The following RANBP3 variants were observed in gnomAD, a reference collection of about 807,000 sequenced individuals.
RANBP3 encodes the protein RAN binding protein 3.
RANBP3 carries 14 observed loss-of-function variants against 77.3 expected under a neutral mutation model. The ratio of observed to expected loss-of-function variants is 0.18; its 90% confidence interval spans 0.12 to 0.28. RANBP3 has a LOEUF of 0.28. Ranked by LOEUF, RANBP3 falls within the 10% of genes least tolerant of loss-of-function variation. RANBP3 has a pLI of 1.00. For missense variants in RANBP3, 586 were observed against 752.3 expected (o/e 0.78, Z 2.59); for synonymous variants, 315 against 312.4 (o/e 1.01, Z -0.09).
At chr19:5,929,225 T>G (rs530631233) in intron 8 of RANBP3, among the ~76,000 whole-genome samples, 1 of 152,374 alleles carries the variant, frequency 6.6e-6, no homozygotes, top group South Asian at 2.1e-4. Context: ...TCACGCTGCA[T>G]CCTTGTGCCT....
At chr19:5,963,042 G>A (rs2058423264) in intron 1 of RANBP3, among the ~76,000 whole-genome samples, 1 of 152,146 alleles carries the variant, frequency 6.6e-6, no homozygotes, top group East Asian at 1.9e-4. Flanking sequence ...ACAGGTCAAG[G>A]GAAGATCACC....
intron 1 of RANBP3, among the ~76,000 whole-genome samples, chr19:5,976,955 T>C (rs75016036): frequency 0.013 from 1,973 of 152,252 alleles, 32 homozygotes; most frequent in South Asian, 0.061. Context: ...CTTAACCACG[T>C]TGACTCAGTC....
In RANBP3 at chr19:5,952,188, G is replaced by T. The variant is rs189999709; in HGVS notation, c.79-592C>A. Among the ~76,000 whole-genome samples the T allele has an allele frequency of 2.2e-4, 33 of 152,260 alleles. No individual in the cohort carries two copies. The highest frequency in any genetic ancestry group is 3.5e-4 in the Non-Finnish European group (24 of 68,016). ...ATCCAGAAAGTGCTTTCCCACCTCG[G>T]TGAGTGCAAGTGTGGGGTGACATGG... is the stretch of plus-strand genomic sequence containing the variant. On this transcript the variant is annotated intron_variant, in intron 2 of 16. Transcript: ENST00000340578. The surrounding 1 kb of genome is among the most constrained non-coding windows in gnomAD (Gnocchi z 4.1).
intron 1 of RANBP3, among the ~76,000 whole-genome samples, chr19:5,971,211 TTTAG>T (rs1465812045): frequency 6.6e-5 from 10 of 152,142 alleles, no homozygotes; most frequent in Non-Finnish European, 1.2e-4. Flanking sequence ...TCCAGAAAGG[TTTAG>T]TTAAATAACA....
At chr19:5,918,796 G>A (rs748750321) in intron 14 of RANBP3, among the ~76,000 whole-genome samples, 158 bp from the exon 15 acceptor site, 36 of 152,204 alleles carry the variant, frequency 2.4e-4, no homozygotes, top group Non-Finnish European at 4.4e-4. Flanking sequence ...TTCTCCCTGA[G>A]GCCAGCCCTG....
chr19:5,926,560 A>T (rs1411158531), intron 9 of RANBP3, among the ~76,000 whole-genome samples: 1 of 152,132 alleles, frequency 6.6e-6, no homozygotes, highest in Non-Finnish European at 1.5e-5. Context: ...CCAAAGAAAA[A>T]AAAAGAATCC....
intron 6 of RANBP3, chr19:5,933,206 T>C: frequency 3.9e-6 from 2 of 513,990 alleles, no homozygotes; most frequent in Non-Finnish European, 6.9e-6. Context: ...ACTGCCCACT[T>C]TTCTGAACAC....
intron 2 of RANBP3, among the ~76,000 whole-genome samples, chr19:5,954,201 C>A (rs966598156): frequency 6.6e-6 from 1 of 152,126 alleles, no homozygotes; most frequent in Admixed American, 6.5e-5. Context: ...GACGAAGGGG[C>A]TCTTTTACTT....
chr19:5,939,699 G>A (rs2058109875), intron 5 of RANBP3, among the ~76,000 whole-genome samples: 1 of 152,186 alleles, frequency 6.6e-6, no homozygotes, highest in Non-Finnish European at 1.5e-5. Flanking sequence ...CACGTCCCAC[G>A]GGAGGAGACG....
rs2057733970 is a variant in RANBP3, at chr19:5,916,145, T to C, written c.*1465A>G. ...GGGCATGCAGAGGCCAGGGTTTTAGTTAAAAGTTTAATGTAGTTCCCAAAT... is the reference window on the plus strand; with the variant it reads ...GGGCATGCAGAGGCCAGGGTTTTAGCTAAAAGTTTAATGTAGTTCCCAAAT... On this transcript the variant is annotated 3_prime_UTR_variant, in exon 17 of 17. Transcript: ENST00000340578. 6.6e-6 allele frequency: 1 copy of C among 152,170 alleles called. No homozygotes were observed. The highest frequency in any genetic ancestry group is 1.9e-4 in the East Asian group (1 of 5,144). 9.4% of individuals were successfully genotyped at this position (152,170 alleles called of 1,614,324 possible).
At chr19:5,964,336 C>T (rs1337847013) in intron 1 of RANBP3, among the ~76,000 whole-genome samples, 2 of 152,214 alleles carry the variant, frequency 1.3e-5, no homozygotes, top group African/African-American at 4.8e-5. Flanking sequence ...ACCCAGTCAT[C>T]CTCACGTGGC....
chr19:5,943,057 GT>G (rs2058159734), intron 3 of RANBP3, among the ~76,000 whole-genome samples: 1 of 152,144 alleles, frequency 6.6e-6, no homozygotes, highest in African/African-American at 2.4e-5. Flanking sequence ...CATGAGGAGT[GT>G]TTATCCTCTC....
intron 13 of RANBP3, among the ~76,000 whole-genome samples, chr19:5,922,221 A>G (rs2057830571): frequency 6.6e-6 from 1 of 152,192 alleles, no homozygotes; most frequent in Non-Finnish European, 1.5e-5. Context: ...TTTGTACTAT[A>G]TTTCAATACA....
At chr19:5,931,624 A>G in intron 7 of RANBP3, 93 bp from the exon 8 acceptor site, 1 of 1,393,524 alleles carries the variant, frequency 7.2e-7, no homozygotes, top group African/African-American at 1.4e-5. Flanking sequence ...CGTCTAGTCT[A>G]GGGCCCCTCC....
intron 5 of RANBP3, among the ~76,000 whole-genome samples, chr19:5,940,869 G>A (rs2058126663): frequency 6.6e-6 from 1 of 152,250 alleles, no homozygotes; most frequent in Non-Finnish European, 1.5e-5. Flanking sequence ...CTGCAGAGTT[G>A]TGCCCATGGC....
At chr19:5,941,433 G>T (rs908653592) in intron 5 of RANBP3, among the ~76,000 whole-genome samples, 188 bp downstream of exon 5, 1 of 152,214 alleles carries the variant, frequency 6.6e-6, no homozygotes, top group Admixed American at 6.5e-5. Flanking sequence ...TCACTGATTC[G>T]AGACGAGGAC....
rs1445623456 is a variant in RANBP3, at chr19:5,950,954, G to A, written c.282+439C>T. On this transcript the variant is annotated intron_variant, in intron 3 of 16. Coordinates refer to ENST00000340578, the MANE Select transcript of RANBP3 (RefSeq NM_007322.3). ...GTCTTGCAAAGCAATCTGTGTTGGAGAGTGCCTCTTCCTAGATATCAAAGG... is the reference window on the plus strand; with the variant it reads ...GTCTTGCAAAGCAATCTGTGTTGGAAAGTGCCTCTTCCTAGATATCAAAGG... 1.6e-5 allele frequency: 4 copies of A among 244,708 alleles called. No homozygotes were observed. In the East Asian group the frequency reaches 4.0e-4, roughly 24 times the overall value. 15.2% of individuals were successfully genotyped at this position (244,708 alleles called of 1,614,324 possible). A position where few individuals can be genotyped will look rare whatever the true frequency, so the allele number is the denominator to read the frequency against.
intron 1 of RANBP3, among the ~76,000 whole-genome samples, chr19:5,962,435 C>T (rs1418911919): frequency 3.3e-5 from 5 of 152,204 alleles, no homozygotes; most frequent in Admixed American, 6.5e-5. Flanking sequence ...TGTTCCGTTT[C>T]TCTCTGTATT....
At chr19:5,941,117 C>T (rs1386608513) in intron 5 of RANBP3, among the ~76,000 whole-genome samples, 1 of 152,228 alleles carries the variant, frequency 6.6e-6, no homozygotes, top group South Asian at 2.1e-4. Flanking sequence ...CACAGCATCA[C>T]ACACGGGCCT....
Sources: gnomAD v4.1 joint callset for allele counts (sites outside exome capture counted in the v4.1 genomes callset) on GRCh38, gnomAD v4.1.1 for gene constraint, Gnocchi (gnomAD v3.1) non-coding constraint, MANE v1.5 for transcripts, NCBI Gene and HGNC (gene_info 2026-07-23, HGNC 2026-07-21) for gene names.